CALN1: variants seen among roughly 807,000 people sequenced by gnomAD.
The protein encoded by CALN1 is calneuron 1.
CALN1 carries 17 observed loss-of-function variants against 30.6 expected under a neutral mutation model. The ratio of observed to expected loss-of-function variants is 0.56; its 90% CI spans 0.38 to 0.83. CALN1 has a LOEUF of 0.83. Ranked by LOEUF, CALN1 falls within the 40% of genes least tolerant of loss-of-function variation. CALN1 has a pLI of 0.00. For missense variants in CALN1, 291 were observed against 354.9 expected (o/e 0.82, Z 1.45); for synonymous variants, 156 against 131.4 (o/e 1.19, Z -1.28).
chr7:71,941,350 C>CA (rs397759526), intron 5 of CALN1, among the ~76,000 whole-genome samples: 64,853 of 128,152 alleles, frequency 0.51, 15,512 homozygotes, highest in East Asian at 0.72. Flanking sequence ...GACTGCATCT[C>CA]AAAAAAAAAA....
chr7:71,852,799 T>C (rs796432622), intron 5 of CALN1, among the ~76,000 whole-genome samples: 17 of 152,348 alleles, frequency 1.1e-4, no homozygotes, highest in African/African-American at 4.1e-4. Flanking sequence ...TTGTAATTTA[T>C]CTAGACAAAT....
chr7:72,301,973 C>T (rs1176845512), intron 2 of CALN1, among the ~76,000 whole-genome samples: 2 of 151,684 alleles, frequency 1.3e-5, no homozygotes, highest in Non-Finnish European at 2.9e-5. Context: ...CAAGGATGAT[C>T]CTGGAAAAAA....
At chr7:71,987,121 G>A (rs1365298338) in intron 5 of CALN1, among the ~76,000 whole-genome samples, 2 of 150,296 alleles carry the variant, frequency 1.3e-5, no homozygotes, top group South Asian at 2.1e-4. Flanking sequence ...GCGAAGCTTC[G>A]TGTCAAAAAA....
chr7:72,348,855 C>G (rs562019970), intron 2 of CALN1, among the ~76,000 whole-genome samples: 1 of 152,222 alleles, frequency 6.6e-6, no homozygotes, highest in East Asian at 1.9e-4. Context: ...CTTCAAAGGA[C>G]AAAAGCAAAA....
chr7:72,226,884 A>T (rs1793713531), intron 3 of CALN1, among the ~76,000 whole-genome samples: 1 of 151,932 alleles, frequency 6.6e-6, no homozygotes, highest in African/African-American at 2.4e-5. Flanking sequence ...TCTACAAAAA[A>T]CAATTAGCCA....
At chr7:72,403,673 G>A (rs779431375) in intron 1 of CALN1, among the ~76,000 whole-genome samples, 4 of 152,180 alleles carry the variant, frequency 2.6e-5, no homozygotes, top group Non-Finnish European at 5.9e-5. Context: ...TGGGCTTTTG[G>A]AGCCAACCTT....
chr7:72,465,949 A>C, the CALN1 span, among the ~76,000 whole-genome samples: 408 of 152,308 alleles, frequency 2.7e-3, 2 homozygotes, highest in African/African-American at 9.5e-3. Flanking sequence ...ACCACGAGAC[A>C]ATCCTGGGCT....
chr7:72,401,541 C>T (rs1267239518), intron 2 of CALN1, among the ~76,000 whole-genome samples: 1 of 152,104 alleles, frequency 6.6e-6, no homozygotes, highest in Non-Finnish European at 1.5e-5. Context: ...AGACCCTTAG[C>T]CCCAGGGTCT....
At chr7:71,873,378 T>A (rs1792060304) in intron 5 of CALN1, among the ~76,000 whole-genome samples, 1 of 152,254 alleles carries the variant, frequency 6.6e-6, no homozygotes, top group Non-Finnish European at 1.5e-5. Flanking sequence ...ACAGTCATCA[T>A]GAAAATAATA....
intron 5 of CALN1, among the ~76,000 whole-genome samples, chr7:71,835,226 C>T (rs1209700453): frequency 6.6e-6 from 1 of 152,196 alleles, no homozygotes; most frequent in East Asian, 1.9e-4. Flanking sequence ...ACAAAGGTAA[C>T]ATGGCTGAGC....
At chr7:72,493,192 C>G in the CALN1 span, among the ~76,000 whole-genome samples, 2 of 152,156 alleles carry the variant, frequency 1.3e-5, no homozygotes, top group African/African-American at 4.8e-5. Flanking sequence ...CATCTCTAGG[C>G]AGCCACTAAT....
intron 2 of CALN1, among the ~76,000 whole-genome samples, chr7:72,382,566 A>G (rs926119365): frequency 6.6e-6 from 1 of 152,224 alleles, no homozygotes. Context: ...TCACCCACGT[A>G]GTGAGCATAG....
At chr7:72,334,676 T>G (rs1801894546) in intron 2 of CALN1, among the ~76,000 whole-genome samples, 2 of 152,238 alleles carry the variant, frequency 1.3e-5, no homozygotes, top group African/African-American at 4.8e-5. Flanking sequence ...CAATAGTTGC[T>G]TTCAGAGTTC....
chr7:72,082,197 G>A (rs1805191632), intron 4 of CALN1, among the ~76,000 whole-genome samples: 1 of 152,132 alleles, frequency 6.6e-6, no homozygotes, highest in Non-Finnish European at 1.5e-5. Context: ...CGTTGGTCAG[G>A]CTTATCTCGA....
intron 3 of CALN1, among the ~76,000 whole-genome samples, chr7:72,190,978 A>G (rs1019414806): frequency 3.3e-5 from 5 of 152,108 alleles, no homozygotes; most frequent in African/African-American, 1.2e-4. Context: ...TAATTCTGTT[A>G]TATCTTTGGC....
intron 2 of CALN1, among the ~76,000 whole-genome samples, chr7:72,324,705 C>G (rs62459270): frequency 6.6e-6 from 1 of 152,136 alleles, no homozygotes; most frequent in South Asian, 2.1e-4. Flanking sequence ...CCTCAGCCTC[C>G]CGAGTAGCTG....
chr7:71,890,504 C>G (rs1318565415), intron 5 of CALN1, among the ~76,000 whole-genome samples: 2 of 152,028 alleles, frequency 1.3e-5, no homozygotes, highest in African/African-American at 4.8e-5. Flanking sequence ...TTTATTCTAG[C>G]AATACTTTGT....
chr7:72,346,335 A>G (rs1041578856), intron 2 of CALN1, among the ~76,000 whole-genome samples: 2 of 152,158 alleles, frequency 1.3e-5, no homozygotes, highest in Non-Finnish European at 2.9e-5. Context: ...TTGGATAATT[A>G]TATCCATATT....
intron 5 of CALN1, among the ~76,000 whole-genome samples, chr7:71,915,036 T>C (rs1794616101): frequency 6.6e-6 from 1 of 152,244 alleles, no homozygotes; most frequent in Non-Finnish European, 1.5e-5. Flanking sequence ...AGGACGCTGG[T>C]ACACAAACAC....
Sources: gnomAD v4.1 joint callset for allele counts (sites outside exome capture counted in the v4.1 genomes callset) on GRCh38, gnomAD v4.1.1 for gene constraint, MANE v1.5 for transcripts, NCBI Gene and HGNC (gene_info 2026-07-23, HGNC 2026-07-21) for gene names.